Variants in ANK3 observed in about 807,000 individuals in gnomAD.
ANK3 encodes the protein ankyrin-3.
Under a neutral mutation model 370.9 loss-of-function variants are expected in ANK3, and 57 were observed. The observed-to-expected ratio is 0.15, with a 90% CI of 0.12 to 0.19. The LOEUF (loss-of-function observed/expected upper bound fraction) is 0.19. ANK3 is among the 10% of genes least tolerant of loss of function. The pLI, the probability that ANK3 is intolerant of heterozygous loss-of-function variation, is 1.00. For missense variants in ANK3, 4,439 were observed against 5,302.1 expected (o/e 0.84, Z 5.06); for synonymous variants, 1,929 against 1,946.3 (o/e 0.99, Z 0.23).
chr10:60,499,793 C>G (rs993398504), intron 2 of ANK3, among the ~76,000 whole-genome samples: 1 of 152,072 alleles, frequency 6.6e-6, no homozygotes, highest in South Asian at 2.1e-4. Flanking sequence ...AAATTTGAAA[C>G]GCACACATAA....
chr10:60,309,794 T>C (rs1387781922), intron 1 of ANK3, among the ~76,000 whole-genome samples: 2 of 151,930 alleles, frequency 1.3e-5, no homozygotes, highest in East Asian at 3.8e-4. Context: ...AAAACAAAGG[T>C]AAGAAACAAA....
At chr10:60,143,242 A>T (rs2094650401) in intron 23 of ANK3, among the ~76,000 whole-genome samples, 1 of 152,222 alleles carries the variant, frequency 6.6e-6, no homozygotes, top group Non-Finnish European at 1.5e-5. Flanking sequence ...ATGAATGAAC[A>T]ATAACAACAA....
At chr10:60,106,154 T>G in intron 27 of ANK3, 95 bp from the exon 28 acceptor site, 1 of 1,138,450 alleles carries the variant, frequency 8.8e-7, no homozygotes, top group Non-Finnish European at 1.2e-6. Context: ...CATTTGAAAA[T>G]CAGAGGTGCC....
At chr10:60,523,046 AC>A (rs2076385132) in intron 2 of ANK3, among the ~76,000 whole-genome samples, 1 of 152,062 alleles carries the variant, frequency 6.6e-6, no homozygotes, top group Non-Finnish European at 1.5e-5. Context: ...GAATTAGATA[AC>A]CAAGAACAGT....
chr10:60,167,299 T>C (rs1430474748), intron 21 of ANK3, among the ~76,000 whole-genome samples: 1 of 152,210 alleles, frequency 6.6e-6, no homozygotes, highest in South Asian at 2.1e-4. Context: ...CTCTATTACT[T>C]GTGCCAAGCT....
At chr10:60,568,686 A>C (rs1039799519) in intron 2 of ANK3, among the ~76,000 whole-genome samples, 2 of 152,218 alleles carry the variant, frequency 1.3e-5, no homozygotes, top group African/African-American at 4.8e-5. Context: ...GAACCTGGAT[A>C]GTATACCCTT....
At chr10:60,350,232 G>C (rs1012158410) in intron 1 of ANK3, among the ~76,000 whole-genome samples, 1 of 152,150 alleles carries the variant, frequency 6.6e-6, no homozygotes, top group Non-Finnish European at 1.5e-5. Flanking sequence ...ATAAATGTAG[G>C]CTAGCTAATT....
intron 2 of ANK3, among the ~76,000 whole-genome samples, chr10:60,594,975 T>C (rs1399002764): frequency 6.6e-6 from 1 of 152,136 alleles, no homozygotes; most frequent in Non-Finnish European, 1.5e-5. Context: ...TTACTGCTAC[T>C]TCCAACAAGG....
chr10:60,664,765 C>T (rs956468351), intron 1 of ANK3, among the ~76,000 whole-genome samples: 1 of 152,156 alleles, frequency 6.6e-6, no homozygotes, highest in Non-Finnish European at 1.5e-5. Flanking sequence ...TGCTTCATGT[C>T]ATATACAATA....
At position 60,549,602 on chromosome 10, in the gene ANK3, C is replaced by T. The variant is rs562548496; in HGVS notation, c.96+65584G>A. Among the ~76,000 whole-genome samples, 16 of 152,194 alleles carry T rather than the reference C, an allele frequency of 1.1e-4. No individual in the cohort carries two copies. The East Asian group carries it at 2.9e-3, about 28-fold the overall frequency. On this transcript the variant is annotated intron_variant, in intron 2 of 43. Transcript: ENST00000373827. ...TTAACTATATTCCAGACACAAAAAA[C>T]ATGAATCTGCCCAGAATTCTAGGCA...
chr10:60,314,933 T>G (rs1006458797), intron 1 of ANK3, among the ~76,000 whole-genome samples: 1 of 152,234 alleles, frequency 6.6e-6, no homozygotes, highest in African/African-American at 2.4e-5. Context: ...AAAATTCACA[T>G]GATTTTAAGT....
chr10:60,351,702 A>C (rs931780296), intron 1 of ANK3, among the ~76,000 whole-genome samples: 1 of 152,186 alleles, frequency 6.6e-6, no homozygotes, highest in East Asian at 1.9e-4. Flanking sequence ...CAGACTCTGA[A>C]ACAATCAAGA....
At chr10:60,646,591 G>A (rs1464467963) in intron 1 of ANK3, among the ~76,000 whole-genome samples, 1 of 152,084 alleles carries the variant, frequency 6.6e-6, no homozygotes, top group Non-Finnish European at 1.5e-5. Flanking sequence ...CAGGCTCAGG[G>A]CCTGTGGCAT....
At chr10:60,312,343 A>G (rs1039736862) in intron 1 of ANK3, among the ~76,000 whole-genome samples, 3 of 152,224 alleles carry the variant, frequency 2.0e-5, no homozygotes, top group African/African-American at 4.8e-5. Context: ...ATGGATGGTG[A>G]CTGGCACAGG....
At chr10:60,153,198 G>A (rs1481204675) in intron 23 of ANK3, among the ~76,000 whole-genome samples, 1 of 152,190 alleles carries the variant, frequency 6.6e-6, no homozygotes, top group African/African-American at 2.4e-5. Flanking sequence ...CTAACTATAA[G>A]CTTTGGATGG....
chr10:60,096,001 C>A (rs780746923), intron 28 of ANK3, among the ~76,000 whole-genome samples: 5 of 151,978 alleles, frequency 3.3e-5, no homozygotes, highest in Non-Finnish European at 7.4e-5. Flanking sequence ...TGGTGAAACC[C>A]TGTCTCTACT....
chr10:60,367,212 C>T (rs1055689081), intron 1 of ANK3, among the ~76,000 whole-genome samples: 4 of 152,174 alleles, frequency 2.6e-5, no homozygotes, highest in South Asian at 2.1e-4. Context: ...CTTACATAAC[C>T]GTTCCTACCA....
chr10:60,575,462 C>T (rs1032624474), intron 2 of ANK3, among the ~76,000 whole-genome samples: 1 of 152,108 alleles, frequency 6.6e-6, no homozygotes, highest in Non-Finnish European at 1.5e-5. Context: ...CAAGATGTCA[C>T]ATTGTTTAAT....
chr10:60,543,506 G>T (rs1309170253), intron 2 of ANK3, among the ~76,000 whole-genome samples: 2 of 151,880 alleles, frequency 1.3e-5, no homozygotes, highest in African/African-American at 4.8e-5. Flanking sequence ...CATGGAAAAG[G>T]TCAGTTCCAG....
Sources: allele counts gnomAD v4.1 joint callset (sites outside exome capture counted in the v4.1 genomes callset), GRCh38; gene constraint gnomAD v4.1.1; transcripts MANE v1.5; gene names NCBI Gene and HGNC (gene_info 2026-07-23, HGNC 2026-07-21).